Variants in FKBP5 observed in about 807,000 individuals in gnomAD.
FKBP5 encodes peptidyl-prolyl cis-trans isomerase FKBP5.
In FKBP5, 23 loss-of-function variants were observed where a neutral mutation model predicts 50.5. The observed-to-expected ratio is 0.46, with a 90% confidence interval of 0.33 to 0.65. The LOEUF (loss-of-function observed/expected upper bound fraction) is 0.65, where lower values mean the gene tolerates loss of function less well. FKBP5 is among the 30% of genes least tolerant of loss of function. The pLI is 0.02. For synonymous variants in FKBP5, 176 were observed against 190.6 expected (o/e 0.92, Z 0.63); for missense variants, 411 against 553.1 (o/e 0.74, Z 2.58).
chr6:35,601,522 G>A (rs368025344), intron 5 of FKBP5, among the ~76,000 whole-genome samples: 2 of 152,202 alleles, frequency 1.3e-5, no homozygotes, highest in Admixed American at 1.3e-4. Context: ...ATGCAGATGA[G>A]CCTAGCTCCT....
At chr6:35,619,312 C>G (rs896808914) in intron 4 of FKBP5, 102 bp from the exon 5 acceptor site, 1 of 689,118 alleles carries the variant, frequency 1.5e-6, no homozygotes, top group East Asian at 2.8e-5. Flanking sequence ...CAAAATAAAG[C>G]TGTTTTAAAA....
chr6:35,632,233 A>G (rs1208940479), intron 3 of FKBP5, among the ~76,000 whole-genome samples: 2 of 152,216 alleles, frequency 1.3e-5, no homozygotes, highest in African/African-American at 2.4e-5. Flanking sequence ...CATATTCCAC[A>G]GTAGTAATAA....
At chr6:35,654,158 AAAC>A (rs1764887256) in intron 1 of FKBP5, among the ~76,000 whole-genome samples, 1 of 152,242 alleles carries the variant, frequency 6.6e-6, no homozygotes, top group South Asian at 2.1e-4. Flanking sequence ...TATTTGCAGC[AAAC>A]AACCACAGTT....
chr6:35,726,591 C>T (rs1220138258), intron 1 of FKBP5, among the ~76,000 whole-genome samples: 1 of 149,780 alleles, frequency 6.7e-6, no homozygotes, highest in Non-Finnish European at 1.5e-5. Context: ...CAGCTCAAGG[C>T]CTAGAACCTC....
chr6:35,671,975 T>C (rs1765400108), intron 1 of FKBP5, among the ~76,000 whole-genome samples: 1 of 152,128 alleles, frequency 6.6e-6, no homozygotes, highest in Non-Finnish European at 1.5e-5. Flanking sequence ...TTCACACCAT[T>C]TTCCTGCCTC....
At position 35,653,382 on chromosome 6, in the gene FKBP5, AG is replaced by A. The variant is rs201348273; in HGVS notation, c.-19-10540del. Among the ~76,000 whole-genome samples, 196 of 152,298 alleles carry A rather than the reference AG, an allele frequency of 1.3e-3. 2 individuals are homozygous for A. The East Asian group carries it at 0.029, about 23-fold the overall frequency. On this transcript the variant is annotated intron_variant, in intron 1 of 10. Coordinates refer to ENST00000357266, the MANE Select transcript of FKBP5 (RefSeq NM_004117.4). ...AAAAAAAGATGGATTCTAGGACTGTAGAATAGATAGTTAAACAGCATGGGAT... is the reference window on the plus strand; with the variant it reads ...AAAAAAAGATGGATTCTAGGACTGTAAATAGATAGTTAAACAGCATGGGAT...
chr6:35,653,031 G>A (rs1386872121), intron 1 of FKBP5, among the ~76,000 whole-genome samples: 1 of 152,178 alleles, frequency 6.6e-6, no homozygotes, highest in Non-Finnish European at 1.5e-5. Context: ...TATGATACCT[G>A]AGACAGTTAA....
At chr6:35,577,266 C>T (rs375912702) in intron 9 of FKBP5, 33 bp from the exon 10 acceptor site, 204 of 1,509,788 alleles carry the variant, frequency 1.4e-4, no homozygotes, top group African/African-American at 7.3e-4. Flanking sequence ...TTAGAAAGGA[C>T]GAATTTTAAT....
intron 1 of FKBP5, among the ~76,000 whole-genome samples, chr6:35,670,010 C>T (rs1434410870): frequency 6.6e-6 from 1 of 152,172 alleles, no homozygotes; most frequent in African/African-American, 2.4e-5. Context: ...GATTTATGCT[C>T]ATTTTCTGTC....
intron 1 of FKBP5, among the ~76,000 whole-genome samples, chr6:35,675,315 C>T (rs1042621346): frequency 2.6e-5 from 4 of 152,148 alleles, no homozygotes; most frequent in Non-Finnish European, 4.4e-5. Flanking sequence ...ACGGATTCTA[C>T]AGATATAGCA....
intron 5 of FKBP5, among the ~76,000 whole-genome samples, chr6:35,606,059 T>C (rs1356774699): frequency 6.6e-6 from 1 of 152,128 alleles, no homozygotes; most frequent in East Asian, 1.9e-4. Context: ...AAAGAAAAAC[T>C]GACAGTTGGG....
At chr6:35,634,518 G>A (rs1764251801) in intron 3 of FKBP5, among the ~76,000 whole-genome samples, 1 of 152,154 alleles carries the variant, frequency 6.6e-6, no homozygotes, top group Non-Finnish European at 1.5e-5. Context: ...TGGACGGGAA[G>A]CAGAATTCAC....
chr6:35,708,340 C>T (rs1344455288), intron 2 of FKBP5, among the ~76,000 whole-genome samples: 1 of 152,102 alleles, frequency 6.6e-6, no homozygotes, highest in African/African-American at 2.4e-5. Flanking sequence ...TTGCAACCTC[C>T]ACCTCTCAGG....
chr6:35,703,719 A>G (rs1766232736), intron 2 of FKBP5, among the ~76,000 whole-genome samples: 1 of 152,162 alleles, frequency 6.6e-6, no homozygotes. Context: ...CCTCCCTTGC[A>G]GCTAGAACAT....
At chr6:35,714,678 A>T (rs1442410305) in intron 2 of FKBP5, among the ~76,000 whole-genome samples, 2 of 148,462 alleles carry the variant, frequency 1.3e-5, no homozygotes, top group Admixed American at 1.3e-4. Context: ...TTAGCTGAGC[A>T]TGGTGGCGGG....
Position 35,705,864 on chromosome 6 carries a change from C to T in FKBP5, c.-20+14464G>A, listed in dbSNP as rs554926705. Reference sequence around the variant, plus strand: ...GTGGCTCACACCTGTAATCCCAACACTTTGGGAGGCCCAGGCACATGGATC... The same window carrying T: ...GTGGCTCACACCTGTAATCCCAACATTTTGGGAGGCCCAGGCACATGGATC... On this transcript the variant is annotated intron_variant, in intron 2 of 11. Coordinates refer to the FKBP5 transcript ENST00000536438. 3.9e-5 allele frequency among the ~76,000 whole-genome samples: 6 copies of T among 152,320 alleles called. No individual in the cohort carries two copies. The East Asian group carries it at 9.7e-4, about 25-fold the overall frequency.
Position 35,580,202 on chromosome 6 carries a change from G to A in FKBP5, c.860C>T (p.Ala287Val), listed in dbSNP as rs778812335. 5.0e-6 allele frequency: 8 copies of A among 1,612,208 alleles called. No homozygotes were observed. The highest frequency in any genetic ancestry group is 1.1e-5 in the South Asian group (1 of 90,900). Residue 287 changes from alanine (A) to valine (V), a missense_variant, in exon 9 of 11, where the codon GCG becomes GTG. Transcript: ENST00000357266. ...CACTATCTTCCCATACTGAATCACC[G>A]CCTGCATGTATTTGCCTCCCTAGGA... ...VYFKGGKYMQ[A>V]VIQYGKIVSW... is the part of the protein sequence containing the mutation.
chr6:35,617,040 G>T (rs907975066), intron 5 of FKBP5, among the ~76,000 whole-genome samples: 17 of 151,706 alleles, frequency 1.1e-4, no homozygotes, highest in African/African-American at 4.1e-4. Context: ...GTGAAGTCTA[G>T]TTGAAGCCAG....
chr6:35,593,171 C>A (rs926535201), intron 6 of FKBP5, among the ~76,000 whole-genome samples: 6 of 152,142 alleles, frequency 3.9e-5, no homozygotes, highest in Non-Finnish European at 7.4e-5. Context: ...AAGAAGGAAC[C>A]AGGGCACCCA....
Sources: allele counts gnomAD v4.1 joint callset (sites outside exome capture counted in the v4.1 genomes callset), GRCh38; gene constraint gnomAD v4.1.1; transcripts MANE v1.5; gene names NCBI Gene and HGNC (gene_info 2026-07-23, HGNC 2026-07-21).